Variants in PCDH11Y observed in about 807,000 individuals in gnomAD.
PCDH11Y encodes protocadherin 11 Y-linked.
For missense variants in PCDH11Y, 12 were observed against 224.8 expected (o/e 0.05, Z 6.05); for synonymous variants, 9 against 83.6 (o/e 0.11, Z 4.87).
intron 4 of PCDH11Y, among the ~76,000 whole-genome samples, chrY:5,595,827 AT>A: frequency 3.1e-5 from 1 of 32,118 alleles, no homozygotes; most frequent in Non-Finnish European, 7.6e-5. Context: ...TTTAACTTGC[AT>A]TTTTTTAGCA....
At chrY:5,032,634 T>C in intron 2 of PCDH11Y, 1 of 362,308 alleles carries the variant, frequency 2.8e-6, no homozygotes, top group East Asian at 9.5e-5. Flanking sequence ...AAAGACCTTT[T>C]TCTTCCCCTC....
chrY:5,196,303 T>G, intron 2 of PCDH11Y, among the ~76,000 whole-genome samples: 2 of 33,271 alleles, frequency 6.0e-5, no homozygotes. Flanking sequence ...TGAAAGCTTA[T>G]GTAAAACATG....
At chrY:5,276,282 AT>A (rs2053044412) in intron 2 of PCDH11Y, among the ~76,000 whole-genome samples, 2 of 33,172 alleles carry the variant, frequency 6.0e-5, no homozygotes. Context: ...TGTGAAGTAT[AT>A]TAAAATTTGG....
chrY:5,287,025 G>T, intron 2 of PCDH11Y, among the ~76,000 whole-genome samples: 3 of 33,218 alleles, frequency 9.0e-5, no homozygotes, highest in Admixed American at 8.4e-4. Context: ...TATGATGTTG[G>T]CTGTGGGAAT....
chrY:5,581,859 C>A, intron 4 of PCDH11Y, 61 bp downstream of exon 5: 2 of 343,214 alleles, frequency 5.8e-6, no homozygotes, highest in Non-Finnish European at 7.9e-6. Context: ...AAATGAAGTG[C>A]TGATTTGTGT....
At chrY:5,603,281 T>C in intron 4 of PCDH11Y, among the ~76,000 whole-genome samples, 2 of 27,062 alleles carry the variant, frequency 7.4e-5, no homozygotes, top group Non-Finnish European at 1.7e-4. Flanking sequence ...CCAAAAGAGA[T>C]AGGAGAGATC....
intron 2 of PCDH11Y, among the ~76,000 whole-genome samples, chrY:5,147,518 C>T: frequency 3.4e-5 from 1 of 29,548 alleles, no homozygotes; most frequent in Middle Eastern, 0.015. Context: ...CATGTACCCC[C>T]TGAATCTAAA....
At chrY:5,182,969 A>G (rs2124647218) in intron 2 of PCDH11Y, among the ~76,000 whole-genome samples, 1 of 33,754 alleles carries the variant, frequency 3.0e-5, no homozygotes, top group South Asian at 6.6e-4. Flanking sequence ...CACTGGATTC[A>G]GCACCCTTCC....
At chrY:5,465,627 C>A (rs2053307491) in intron 2 of PCDH11Y, among the ~76,000 whole-genome samples, 1 of 32,651 alleles carries the variant, frequency 3.1e-5, no homozygotes, top group African/African-American at 1.2e-4. Context: ...TTACTGCTAT[C>A]AATTTTATTT....
At chrY:5,203,824 A>G in intron 2 of PCDH11Y, among the ~76,000 whole-genome samples, 1 of 31,394 alleles carries the variant, frequency 3.2e-5, no homozygotes, top group African/African-American at 1.3e-4. Flanking sequence ...AAATTAACCT[A>G]TAACAATTTC....
intron 4 of PCDH11Y, among the ~76,000 whole-genome samples, chrY:5,597,161 T>G: frequency 6.6e-5 from 2 of 30,229 alleles, no homozygotes; most frequent in Admixed American, 3.2e-4. Flanking sequence ...TGCACAGGCA[T>G]GTTTATAGCA....
intron 4 of PCDH11Y, among the ~76,000 whole-genome samples, chrY:5,630,431 G>C: frequency 3.0e-5 from 1 of 33,390 alleles, no homozygotes; most frequent in Non-Finnish European, 7.4e-5. Flanking sequence ...TCCAGGAAGA[G>C]ACAGTTGCAT....
intron 4 of PCDH11Y, among the ~76,000 whole-genome samples, chrY:5,654,697 T>C: frequency 6.3e-5 from 2 of 31,577 alleles, no homozygotes; most frequent in Admixed American, 2.9e-4. Context: ...CATAGACATA[T>C]AGAGGGGAAA....
chrY:5,388,962 C>A (rs2053219019), intron 2 of PCDH11Y, among the ~76,000 whole-genome samples: 1 of 33,647 alleles, frequency 3.0e-5, no homozygotes, highest in Non-Finnish European at 7.3e-5. Context: ...AAGTAAGCTG[C>A]AGTGATATCT....
chrY:5,522,115 C>T (rs2053382011), intron 3 of PCDH11Y, among the ~76,000 whole-genome samples: 1 of 32,117 alleles, frequency 3.1e-5, no homozygotes, highest in African/African-American at 1.2e-4. Flanking sequence ...CCTTGTGATC[C>T]GCCCGCCTCG....
intron 4 of PCDH11Y, among the ~76,000 whole-genome samples, chrY:5,602,520 C>T: frequency 9.2e-5 from 3 of 32,498 alleles, no homozygotes; most frequent in Non-Finnish European, 2.3e-4. Flanking sequence ...TAAACTCGGG[C>T]ATATTTACGC....
intron 2 of PCDH11Y, among the ~76,000 whole-genome samples, chrY:5,499,449 T>A: frequency 3.1e-5 from 1 of 32,637 alleles, no homozygotes; most frequent in East Asian, 8.1e-4. Context: ...TTTTCTCCTA[T>A]TTTATTGAGA....
intron 3 of PCDH11Y, among the ~76,000 whole-genome samples, chrY:5,036,723 T>C: frequency 3.0e-5 from 1 of 33,644 alleles, no homozygotes; most frequent in East Asian, 7.7e-4. Context: ...AAAACATTTT[T>C]TAGTATTGGA....
chrY:5,014,165 G>A, intron 1 of PCDH11Y, among the ~76,000 whole-genome samples: 1 of 30,402 alleles, frequency 3.3e-5, no homozygotes, highest in Non-Finnish European at 7.9e-5. Context: ...TTTAACATAT[G>A]AGGAAAGAGG....
Sources: gnomAD v4.1 joint callset for allele counts (sites outside exome capture counted in the v4.1 genomes callset) on GRCh38, gnomAD v4.1.1 for gene constraint, MANE v1.5 for transcripts, NCBI Gene and HGNC (gene_info 2026-07-23, HGNC 2026-07-21) for gene names.